The following SMR3B variants were observed in gnomAD, a reference collection of about 807,000 sequenced individuals.
SMR3B encodes the protein submaxillary gland androgen-regulated protein 3B.
For synonymous variants in SMR3B, 42 were observed against 36.1 expected (o/e 1.16, Z -0.59); for missense variants, 114 against 99.9 (o/e 1.14, Z -0.60).
At chr4:70,386,105 T>A (rs546716451) in intron 2 of SMR3B, among the ~76,000 whole-genome samples, 6 of 151,786 alleles carry the variant, frequency 4.0e-5, no homozygotes, top group African/African-American at 1.4e-4. Context: ...AAACGCTGTC[T>A]CTACCAAAAT....
In SMR3B at chr4:70,384,393, T is replaced by C. The variant is rs551402685; in HGVS notation, c.-14-104T>C. ...TTAGGCAAATTCCCTAAAAATGCTA[T>C]AGTAGGATATTTGTATTACATTATA... On this transcript the variant is annotated intron_variant, in intron 1 of 2. Coordinates refer to ENST00000304915, the MANE Select transcript of SMR3B (RefSeq NM_006685.4). 2.4e-5 allele frequency: 37 copies of C among 1,545,738 alleles called. No homozygotes were observed. In the South Asian group the frequency reaches 2.7e-4, roughly 11 times the overall value.
At chr4:70,388,783 T>G (rs1732709670) in intron 2 of SMR3B, among the ~76,000 whole-genome samples, 1 of 152,180 alleles carries the variant, frequency 6.6e-6, no homozygotes, top group Non-Finnish European at 1.5e-5. Flanking sequence ...ATTAGCTCAT[T>G]GCACAAAGTA....
At chr4:70,385,434 C>A (rs865968178) in intron 2 of SMR3B, among the ~76,000 whole-genome samples, 6 of 135,302 alleles carry the variant, frequency 4.4e-5, no homozygotes, top group Non-Finnish European at 9.1e-5. Flanking sequence ...AACAGACTCT[C>A]GCTCTGTCGC....
rs535394521 is a variant in SMR3B at position 70,389,539 on chromosome 4, A to T, written c.55-124A>T. 57 of 943,090 alleles carry T rather than the reference A, an allele frequency of 6.0e-5. 1 individual carries two copies. In the African/African-American group the frequency reaches 7.1e-4, roughly 12 times the overall value. The allele number at this position is 943,090 out of a possible 1,614,324, so 58.4% of individuals were successfully genotyped here. ...GCTCACCTGATAAGGTCAGGCCAGCATGTGCCAGCAGGGAGTAGAAATCTT... is the reference window on the plus strand; with the variant it reads ...GCTCACCTGATAAGGTCAGGCCAGCTTGTGCCAGCAGGGAGTAGAAATCTT... On this transcript the variant is annotated intron_variant, in intron 2 of 2. Coordinates refer to ENST00000304915, the MANE Select transcript of SMR3B (RefSeq NM_006685.4).
In SMR3B at chr4:70,390,221, C is replaced by T; in HGVS notation, c.*373C>T. ...AGACATAACATTTATACCAATGAGG[C>T]AAAAATAAAGAATTGAGCACCAATA... On this transcript the variant is annotated 3_prime_UTR_variant, in exon 3 of 3. Transcript: ENST00000304915. 3.9e-6 allele frequency: 2 copies of T among 511,774 alleles called. No individual in the cohort carries two copies. 31.7% of individuals were successfully genotyped at this position (511,774 alleles called of 1,614,324 possible). A position where few individuals can be genotyped will look rare whatever the true frequency, so the allele number is the denominator to read the frequency against.
intron 1 of SMR3B, among the ~76,000 whole-genome samples, 173 bp from the exon 2 acceptor site, chr4:70,384,324 G>A (rs1293555135): frequency 6.6e-6 from 1 of 152,096 alleles, no homozygotes; most frequent in East Asian, 1.9e-4. Flanking sequence ...AATTTTATAA[G>A]CCTACTAATA....
At chr4:70,385,893 C>A (rs554879260) in intron 2 of SMR3B, among the ~76,000 whole-genome samples, 4 of 151,712 alleles carry the variant, frequency 2.6e-5, no homozygotes, top group Non-Finnish European at 2.9e-5. Context: ...TTTTTATTCC[C>A]TCAGAATACA....
chr4:70,385,465 G>A (rs1732644026), intron 2 of SMR3B, among the ~76,000 whole-genome samples: 1 of 143,836 alleles, frequency 7.0e-6, no homozygotes. Context: ...GTACAGTGGC[G>A]CGATCTCGGC....
At chr4:70,387,100 C>T (rs1157812110) in intron 2 of SMR3B, among the ~76,000 whole-genome samples, 2 of 152,064 alleles carry the variant, frequency 1.3e-5, no homozygotes, top group African/African-American at 2.4e-5. Context: ...TCTAGAATAC[C>T]CTTTCAAAGT....
At position 70,389,753 on chromosome 4, in the gene SMR3B, C is replaced by T. The variant is rs1465132310; in HGVS notation, c.145C>T (p.Pro49Ser). 6.2e-7 allele frequency: 1 copy of T among 1,614,032 alleles called. No homozygotes were observed. The highest frequency in any genetic ancestry group is 1.1e-5 in the South Asian group (1 of 91,074). The stretch of plus-strand genomic sequence containing the variant: ...TTTTGGCCCAGGATTTGTTCCACCA[C>T]CTCCTCCTCCACCCTATGGTCCAGG... ...QPFGPGFVPP[P>S]PPPPYGPGRI... is the part of the protein sequence containing the mutation. The change falls in exon 3 of 3, where the codon CCT becomes TCT. Residue 49 changes from proline to serine, a missense_variant. Physicochemically the swap from Pro to Ser is moderately conservative, Grantham distance 74. Transcript: ENST00000304915.
intron 1 of SMR3B, 107 bp from the exon 2 acceptor site, chr4:70,384,390 C>G: frequency 6.5e-7 from 1 of 1,530,950 alleles, no homozygotes; most frequent in Non-Finnish European, 8.8e-7. Context: ...CCTAAAAATG[C>G]TATAGTAGGA....
At chr4:70,385,564 C>T (rs1216717673) in intron 2 of SMR3B, among the ~76,000 whole-genome samples, 2 of 151,914 alleles carry the variant, frequency 1.3e-5, no homozygotes, top group Non-Finnish European at 2.9e-5. Context: ...CCACCACGGC[C>T]GGCTAATTTT....
intron 2 of SMR3B, among the ~76,000 whole-genome samples, chr4:70,387,722 T>C (rs753141649): frequency 6.6e-6 from 1 of 152,100 alleles, no homozygotes; most frequent in Non-Finnish European, 1.5e-5. Context: ...GGGTAAATGA[T>C]AGCTCAGGAT....
At chr4:70,387,551 G>A (rs916271838) in intron 2 of SMR3B, among the ~76,000 whole-genome samples, 5 of 152,228 alleles carry the variant, frequency 3.3e-5, no homozygotes, top group Middle Eastern at 3.4e-3. Flanking sequence ...AGGAAGTAAA[G>A]GGAAGACTGA....
intron 2 of SMR3B, among the ~76,000 whole-genome samples, chr4:70,385,428 G>C (rs1460643120): frequency 2.0e-5 from 2 of 97,956 alleles, no homozygotes; most frequent in East Asian, 3.1e-4. Context: ...TTTTGAAACA[G>C]ACTCTCGCTC....
intron 2 of SMR3B, among the ~76,000 whole-genome samples, chr4:70,388,110 T>G (rs1732695883): frequency 6.6e-6 from 1 of 152,156 alleles, no homozygotes; most frequent in African/African-American, 2.4e-5. Flanking sequence ...CCAGAGCATT[T>G]GTGTATTTTC....
intron 2 of SMR3B, chr4:70,384,802 A>G: frequency 1.6e-6 from 1 of 622,706 alleles, no homozygotes; most frequent in African/African-American, 1.9e-5. Context: ...TTAAACAGAT[A>G]CGTATAAATG....
At chr4:70,386,272 C>A (rs368861763) in intron 2 of SMR3B, among the ~76,000 whole-genome samples, 230 of 126,538 alleles carry the variant, frequency 1.8e-3, no homozygotes, top group Middle Eastern at 4.1e-3. Context: ...GACTCTATCT[C>A]AAAAAAAAAA....
At chr4:70,386,115 T>A (rs1732660811) in intron 2 of SMR3B, among the ~76,000 whole-genome samples, 2 of 151,310 alleles carry the variant, frequency 1.3e-5, no homozygotes, top group Admixed American at 1.3e-4. Flanking sequence ...TCTACCAAAA[T>A]TACAAAAATT....
Sources: gnomAD v4.1 joint callset for allele counts (sites outside exome capture counted in the v4.1 genomes callset) on GRCh38, gnomAD v4.1.1 for gene constraint, MANE v1.5 for transcripts, NCBI Gene and HGNC (gene_info 2026-07-23, HGNC 2026-07-21) for gene names.